Variants in SNX13 observed in about 807,000 individuals in gnomAD.
SNX13 encodes the protein sorting nexin 13.
A neutral mutation model predicts 133.6 loss-of-function variants in SNX13; 45 were observed. The observed-to-expected ratio is 0.34, with a 90% CI of 0.27 to 0.43. The LOEUF (loss-of-function observed/expected upper bound fraction) is 0.43, where lower values mean the gene tolerates loss of function less well. Among genes scored for constraint, SNX13 ranks in the 20% least tolerant of loss-of-function variants. The pLI is 1.00. For synonymous variants in SNX13, 414 were observed against 373.9 expected (o/e 1.11, Z -1.24); for missense variants, 1,032 against 1,145.1 (o/e 0.90, Z 1.43).
At chr7:17,934,475 T>C (rs142888422) in intron 1 of SNX13, among the ~76,000 whole-genome samples, 1 of 152,138 alleles carries the variant, frequency 6.6e-6, no homozygotes, top group Non-Finnish European at 1.5e-5. Context: ...AGACTGAGAT[T>C]AGCATGTGAG....
rs1318821611 is a variant in SNX13 at position 17,896,469 on chromosome 7, G to T, written c.125+865C>A. Among the ~76,000 whole-genome samples the T allele has an allele frequency of 2.0e-5, 3 of 152,090 alleles. No individual in the cohort carries two copies. The East Asian group carries it at 5.8e-4, about 29-fold the overall frequency. The stretch of plus-strand genomic sequence containing the variant: ...AGCTAACCCTTCAGTGTCCTATACA[G>T]TTTCTCAAGCTACTGTTTATATATG... On this transcript the variant is annotated intron_variant, in intron 2 of 25. Transcript: ENST00000428135.
intron 2 of SNX13, among the ~76,000 whole-genome samples, chr7:17,896,544 C>T (rs1797237493): frequency 6.6e-6 from 1 of 152,116 alleles, no homozygotes; most frequent in South Asian, 2.1e-4. Context: ...AAAAACTCCT[C>T]CAAATATCTG....
chr7:17,883,148 G>C (rs1345236131), intron 5 of SNX13, among the ~76,000 whole-genome samples: 1 of 152,152 alleles, frequency 6.6e-6, no homozygotes, highest in Non-Finnish European at 1.5e-5. Context: ...CACTGCTTAA[G>C]AAGTGCAGTC....
chr7:17,866,916 A>T (rs545278579), intron 9 of SNX13, among the ~76,000 whole-genome samples: 3 of 152,368 alleles, frequency 2.0e-5, no homozygotes, highest in Admixed American at 6.5e-5. Context: ...TACCCCAATT[A>T]TCCTGATTTG....
chr7:17,914,032 A>G (rs79355358), intron 1 of SNX13, among the ~76,000 whole-genome samples: 17,938 of 152,052 alleles, frequency 0.12, 1,202 homozygotes, highest in African/African-American at 0.16. Context: ...AAAAGATGAC[A>G]TAGCTGTATT....
chr7:17,850,871 C>G lies in SNX13; in HGVS notation c.931G>C (p.Ala311Pro). Residue 311 changes from alanine (A) to proline (P), a missense_variant, in exon 10 of 26, where the codon GCA becomes CCA. Transcript: ENST00000428135. ...GATCTAAGATACTGTAATTCTTCTG[C>G]TGCCTTATCTCTGACTGCTTCTAGC... is the stretch of plus-strand genomic sequence containing the variant. Reference protein sequence around the residue: ...GELEAVRDKAAEELQYLRSLD... With the variant: ...GELEAVRDKAPEELQYLRSLD... 3.7e-6 allele frequency: 6 copies of G among 1,611,592 alleles called. No individual in the cohort carries two copies. The highest frequency in any genetic ancestry group is 5.1e-6 in the Non-Finnish European group (6 of 1,178,942).
At chr7:17,829,983 T>C in intron 16 of SNX13, 27 bp downstream of exon 16, 1 of 1,478,010 alleles carries the variant, frequency 6.8e-7, no homozygotes, top group Non-Finnish European at 9.2e-7. Flanking sequence ...CAAGTCACTT[T>C]AATAAAGTAC....
chr7:17,881,193 T>A (rs1051166901), intron 5 of SNX13: 2 of 151,868 alleles, frequency 1.3e-5, no homozygotes, highest in Non-Finnish European at 1.5e-5. Context: ...TAGAGTATAC[T>A]ATATACTGCA....
At chr7:17,889,889 T>C (rs1042598328) in intron 5 of SNX13, 1 of 152,354 alleles carries the variant, frequency 6.6e-6, no homozygotes, top group South Asian at 2.1e-4. Context: ...TATTTTCCAC[T>C]GACTTATGTT....
chr7:17,939,406 A>G (rs1244650221), intron 1 of SNX13, among the ~76,000 whole-genome samples: 3 of 152,220 alleles, frequency 2.0e-5, no homozygotes, highest in African/African-American at 7.2e-5. Flanking sequence ...GTTCAGTGAC[A>G]CCTACACCTG....
At chr7:17,806,690 C>G (rs1223571526) in intron 20 of SNX13, among the ~76,000 whole-genome samples, 1 of 151,692 alleles carries the variant, frequency 6.6e-6, no homozygotes, top group Admixed American at 6.6e-5. Context: ...GGAACAGTTC[C>G]GGTCTGCAGC....
intron 21 of SNX13, 103 bp from the exon 22 acceptor site, chr7:17,801,762 T>G (rs1784672512): frequency 1.2e-6 from 1 of 830,694 alleles, no homozygotes; most frequent in Admixed American, 3.1e-5. Flanking sequence ...TGATCTGACT[T>G]TTGGTACAAT....
intron 1 of SNX13, among the ~76,000 whole-genome samples, chr7:17,924,428 AAG>A (rs1017546438): frequency 6.6e-6 from 1 of 152,206 alleles, no homozygotes; most frequent in Non-Finnish European, 1.5e-5. Flanking sequence ...AAAAACCACT[AAG>A]AGATGCTACT....
At chr7:17,937,948 T>C (rs1802301311) in intron 1 of SNX13, among the ~76,000 whole-genome samples, 1 of 152,284 alleles carries the variant, frequency 6.6e-6, no homozygotes, top group East Asian at 1.9e-4. Context: ...GAATCTTTCA[T>C]AGCACAGCTC....
chr7:17,897,289 A>T (rs779505075), intron 2 of SNX13, 45 bp downstream of exon 2: 1 of 1,046,998 alleles, frequency 9.6e-7, no homozygotes, highest in Admixed American at 3.1e-5. Flanking sequence ...CCATTTTAAC[A>T]AGATATGACA....
chr7:17,896,837 G>A (rs548260166), intron 2 of SNX13, among the ~76,000 whole-genome samples: 2 of 152,030 alleles, frequency 1.3e-5, no homozygotes, highest in South Asian at 2.1e-4. Flanking sequence ...AAACATAAAC[G>A]TACACCAAAT....
intron 1 of SNX13, among the ~76,000 whole-genome samples, chr7:17,937,450 G>A (rs758314585): frequency 6.7e-6 from 1 of 149,446 alleles, no homozygotes; most frequent in Non-Finnish European, 1.5e-5. Flanking sequence ...GAAGGCGGAG[G>A]TTGCAGTGAG....
chr7:17,892,190 CAGATATAGACATAGATAT>C (rs1384231233), intron 3 of SNX13, among the ~76,000 whole-genome samples: 1 of 151,736 alleles, frequency 6.6e-6, no homozygotes, highest in African/African-American at 2.4e-5. Context: ...AACATAGATA[CAGATATAGACATAGATAT>C]CTATATTAAA....
In SNX13 at chr7:17,803,676, G is replaced by C. The variant is rs145068058; in HGVS notation, c.2065-96C>G. 3.4e-4 allele frequency: 363 copies of C among 1,072,066 alleles called. No individual in the cohort carries two copies. In the African/African-American group the frequency reaches 4.9e-3, roughly 15 times the overall value. 66.4% of individuals were successfully genotyped at this position (1,072,066 alleles called of 1,614,324 possible). A position where few individuals can be genotyped will look rare whatever the true frequency, so the allele number is the denominator to read the frequency against. On this transcript the variant is annotated intron_variant, in intron 20 of 25. Coordinates refer to ENST00000428135, the MANE Select transcript of SNX13 (RefSeq NM_015132.5). The stretch of plus-strand genomic sequence containing the variant: ...AAAATATAGAGTGCAACACTGGAAA[G>C]ATGCAGTAATTTTCTGGTCTATATT...
Sources: gnomAD v4.1 joint callset for allele counts (sites outside exome capture counted in the v4.1 genomes callset) on GRCh38, gnomAD v4.1.1 for gene constraint, MANE v1.5 for transcripts, NCBI Gene and HGNC (gene_info 2026-07-23, HGNC 2026-07-21) for gene names.